Variants in MED27 observed in about 807,000 individuals in gnomAD.
MED27 encodes mediator of RNA polymerase II transcription subunit 27.
MED27 carries 30 observed loss-of-function variants against 38.2 expected under a neutral mutation model. That is an observed-to-expected ratio of 0.79 (90% CI 0.59 to 1.07). The LOEUF is 1.07. Ranked by LOEUF, MED27 falls within the 50% of genes least tolerant of loss-of-function variation. The pLI is 0.00. For synonymous variants in MED27, 122 were observed against 153.5 expected (o/e 0.79, Z 1.52); for missense variants, 289 against 397.5 (o/e 0.73, Z 2.32).
In MED27 at chr9:131,861,170, CA is replaced by C. The variant is rs962140610; in HGVS notation, c.802-499del. The stretch of plus-strand genomic sequence containing the variant: ...GATTTCAGAGGTTGTCACTCATTGT[CA>C]CAGTGTGGCCTGACATACTGGGGGG... On this transcript the variant is annotated intron_variant, in intron 7 of 7. Coordinates refer to ENST00000292035, the MANE Select transcript of MED27 (RefSeq NM_004269.4). This position sits in a 1 kb window ranked among gnomAD's most constrained non-coding sequence, Gnocchi z 4.4. Among the ~76,000 whole-genome samples the C allele has an allele frequency of 9.2e-5, 14 of 152,152 alleles. No homozygotes were observed. Among genetic ancestry groups the C allele is most frequent in the African/African-American group, 3.1e-4 (13 of 41,512 alleles).
intron 2 of MED27, among the ~76,000 whole-genome samples, chr9:132,075,900 T>TC (rs1191426082): frequency 2.6e-5 from 4 of 152,176 alleles, no homozygotes; most frequent in African/African-American, 9.7e-5. Context: ...TTCCGGGAAC[T>TC]CCCTCTCTCC....
At chr9:131,923,315 A>G (rs1830429800) in intron 4 of MED27, among the ~76,000 whole-genome samples, 1 of 152,196 alleles carries the variant, frequency 6.6e-6, no homozygotes, top group African/African-American at 2.4e-5. Context: ...CTTGGCTCCC[A>G]TTATCCACAA....
intron 3 of MED27, among the ~76,000 whole-genome samples, chr9:131,953,645 T>C (rs1436753151): frequency 6.6e-6 from 1 of 152,046 alleles, no homozygotes; most frequent in East Asian, 1.9e-4. Flanking sequence ...ATAGAACAGC[T>C]GGCCAAAGGT....
intron 3 of MED27, among the ~76,000 whole-genome samples, chr9:132,012,644 C>T (rs1832508076): frequency 6.6e-6 from 1 of 152,166 alleles, no homozygotes; most frequent in Non-Finnish European, 1.5e-5. Context: ...CATATTGGCT[C>T]CTCAGAGAAG....
chr9:131,865,022 A>T (rs573053590), intron 6 of MED27, among the ~76,000 whole-genome samples: 245 of 152,326 alleles, frequency 1.6e-3, no homozygotes, highest in Middle Eastern at 0.01. Flanking sequence ...AGGCCTTAGG[A>T]TATTACCCTG....
chr9:131,969,048 A>G (rs1401650667), intron 3 of MED27, among the ~76,000 whole-genome samples: 4 of 152,218 alleles, frequency 2.6e-5, no homozygotes, highest in Non-Finnish European at 5.9e-5. Flanking sequence ...CAGGGCTCCC[A>G]TTAATCCTAC....
chr9:131,986,333 A>AT (rs1321797907), intron 3 of MED27, among the ~76,000 whole-genome samples: 2 of 151,806 alleles, frequency 1.3e-5, no homozygotes, highest in South Asian at 2.1e-4. Flanking sequence ...CGGGTGTACC[A>AT]TTTTTTATCT....
intron 1 of MED27, among the ~76,000 whole-genome samples, chr9:132,078,830 G>GT (rs1343545055): frequency 6.6e-6 from 1 of 152,192 alleles, no homozygotes; most frequent in East Asian, 1.9e-4. Context: ...CAGAAGGCAA[G>GT]TTCAGGACCT....
rs892875247 is a variant in MED27 at position 131,872,652 on chromosome 9, G to A, written c.724-9512C>T. 2.6e-5 allele frequency among the ~76,000 whole-genome samples: 4 copies of A among 151,322 alleles called. No homozygotes were observed. The highest frequency in any genetic ancestry group is 2.1e-4 in the South Asian group (1 of 4,834). ...CCCTGCTGGCCCTCGGTAGAAGAGC[G>A]TGGGGAGGCTGGGGTGGGGCTGGGT... On this transcript the variant is annotated intron_variant, in intron 6 of 7. Coordinates refer to ENST00000292035, the MANE Select transcript of MED27 (RefSeq NM_004269.4). The surrounding 1 kb of genome is among the most constrained non-coding windows in gnomAD (Gnocchi z 5.6).
At chr9:131,868,593 T>C (rs182654429) in intron 6 of MED27, 350 of 985,450 alleles carry the variant, frequency 3.6e-4, no homozygotes, top group Admixed American at 2.6e-3. Context: ...CTGATTTACA[T>C]TGGACAGAGG....
intron 2 of MED27, among the ~76,000 whole-genome samples, chr9:132,058,867 A>G (rs1833638879): frequency 6.6e-6 from 1 of 152,232 alleles, no homozygotes; most frequent in South Asian, 2.1e-4. Flanking sequence ...TTACGGTCAC[A>G]GTGTCTGAAA....
At chr9:131,955,473 T>C (rs1266826419) in intron 3 of MED27, among the ~76,000 whole-genome samples, 1 of 151,608 alleles carries the variant, frequency 6.6e-6, no homozygotes, top group African/African-American at 2.4e-5. Flanking sequence ...CAAGAGCAGG[T>C]TATGGAAATA....
At chr9:132,008,354 G>A (rs1307244882) in intron 3 of MED27, among the ~76,000 whole-genome samples, 5 of 152,190 alleles carry the variant, frequency 3.3e-5, no homozygotes, top group Non-Finnish European at 7.3e-5. Flanking sequence ...GCCCAACAAT[G>A]TTTGCACAGC....
chr9:132,026,948 C>A (rs1832836045), intron 2 of MED27, among the ~76,000 whole-genome samples: 1 of 152,194 alleles, frequency 6.6e-6, no homozygotes, highest in African/African-American at 2.4e-5. Context: ...GCGGCAGGGT[C>A]AGGACTGGTA....
intron 2 of MED27, among the ~76,000 whole-genome samples, chr9:132,024,011 T>C (rs1832768222): frequency 6.6e-6 from 1 of 152,150 alleles, no homozygotes; most frequent in Non-Finnish European, 1.5e-5. Context: ...GGCACCTGCT[T>C]TCCTTTGTAC....
intron 5 of MED27, 63 bp downstream of exon 5, chr9:131,893,822 T>C (rs1829768680): frequency 8.5e-7 from 1 of 1,171,558 alleles, no homozygotes; most frequent in African/African-American, 1.5e-5. Flanking sequence ...TCATCTGGAA[T>C]TCGACTACAC....
chr9:132,046,388 T>G (rs1564339030), intron 2 of MED27, among the ~76,000 whole-genome samples: 1 of 152,102 alleles, frequency 6.6e-6, no homozygotes, highest in Non-Finnish European at 1.5e-5. Flanking sequence ...TAAACTGGTA[T>G]AGCTATTTTG....
chr9:131,869,300 T>G (rs944042890), intron 6 of MED27: 54 of 985,100 alleles, frequency 5.5e-5, no homozygotes, highest in Admixed American at 6.2e-5. Context: ...GTCAAAGCAC[T>G]CCACCTTCAA....
At chr9:131,939,798 C>T (rs772967473) in intron 3 of MED27, among the ~76,000 whole-genome samples, 1 of 152,092 alleles carries the variant, frequency 6.6e-6, no homozygotes, top group African/African-American at 2.4e-5. Context: ...TCCAGGATGG[C>T]AGCAGTGTCC....
Sources: gnomAD v4.1 joint callset for allele counts (sites outside exome capture counted in the v4.1 genomes callset) on GRCh38, gnomAD v4.1.1 for gene constraint, Gnocchi (gnomAD v3.1) non-coding constraint, MANE v1.5 for transcripts, NCBI Gene and HGNC (gene_info 2026-07-23, HGNC 2026-07-21) for gene names.